Variants in FBXL7 observed in about 807,000 individuals in gnomAD.
FBXL7 encodes F-box/LRR-repeat protein 7.
A neutral mutation model predicts 38.3 loss-of-function variants in FBXL7; 12 were observed. The observed-to-expected ratio is 0.31, with a 90% CI of 0.20 to 0.51. The LOEUF is 0.51. Ranked by LOEUF, FBXL7 falls within the 20% of genes least tolerant of loss-of-function variation. The pLI, the probability that FBXL7 is intolerant of heterozygous loss-of-function variation, is 0.98. For synonymous variants in FBXL7, 297 were observed against 300.9 expected, an observed-to-expected ratio of 0.99 and a Z score of 0.13; for missense variants, 567 against 676.4, an observed-to-expected ratio of 0.84 and a Z score of 1.79.
At chr5:15,914,189 A>T in intron 2 of FBXL7, among the ~76,000 whole-genome samples, 1 of 151,996 alleles carries the variant, frequency 6.6e-6, no homozygotes, top group Admixed American at 6.6e-5. Context: ...GATCGAGACC[A>T]TCCTGGCTAA....
At chr5:15,601,689 C>T (rs1200862807) in intron 1 of FBXL7, among the ~76,000 whole-genome samples, 5 of 152,166 alleles carry the variant, frequency 3.3e-5, no homozygotes, top group Admixed American at 3.3e-4. Flanking sequence ...ATCTTACTTG[C>T]TCATCTTTAT....
intron 2 of FBXL7, among the ~76,000 whole-genome samples, chr5:15,622,379 T>C (rs1485158085): frequency 6.6e-6 from 1 of 152,144 alleles, no homozygotes; most frequent in Non-Finnish European, 1.5e-5. Flanking sequence ...GTTGGTGTGC[T>C]GCACCCATTA....
intron 2 of FBXL7, among the ~76,000 whole-genome samples, chr5:15,637,581 G>A (rs915540265): frequency 3.9e-5 from 6 of 152,204 alleles, no homozygotes. Flanking sequence ...CATGAGGATA[G>A]CAACAGCTAA....
At chr5:15,890,383 G>C (rs1266950761) in intron 2 of FBXL7, among the ~76,000 whole-genome samples, 1 of 152,108 alleles carries the variant, frequency 6.6e-6, no homozygotes, top group African/African-American at 2.4e-5. Flanking sequence ...CAAGTAGCTG[G>C]GATTACAGGC....
intron 1 of FBXL7, among the ~76,000 whole-genome samples, chr5:15,503,601 T>G (rs369749822): frequency 9.2e-5 from 14 of 152,344 alleles, no homozygotes; most frequent in African/African-American, 3.4e-4. Flanking sequence ...TATGCCATTT[T>G]CCTTTTTTTG....
At chr5:15,562,373 A>T (rs189184858) in intron 1 of FBXL7, among the ~76,000 whole-genome samples, 21 of 152,276 alleles carry the variant, frequency 1.4e-4, no homozygotes, top group African/African-American at 5.1e-4. Context: ...CAGATAAAGG[A>T]TTGATATCCA....
intron 2 of FBXL7, among the ~76,000 whole-genome samples, chr5:15,762,911 T>C (rs1328677797): frequency 6.6e-6 from 1 of 152,238 alleles, no homozygotes; most frequent in Non-Finnish European, 1.5e-5. Flanking sequence ...TATGCTGATA[T>C]ACAGTGATGT....
intron 2 of FBXL7, among the ~76,000 whole-genome samples, chr5:15,726,768 C>A (rs1184364248): frequency 6.6e-6 from 1 of 151,856 alleles, no homozygotes; most frequent in Non-Finnish European, 1.5e-5. Context: ...TGGATCTTGT[C>A]TTTTAGTCCA....
At chr5:15,668,368 TTGTG>T (rs148728974) in intron 2 of FBXL7, among the ~76,000 whole-genome samples, 4,191 of 145,724 alleles carry the variant, frequency 0.029, 63 homozygotes, top group Middle Eastern at 0.052. Context: ...ATATTTGTGT[TTGTG>T]TGTGTGTGTG....
intron 2 of FBXL7, among the ~76,000 whole-genome samples, chr5:15,813,267 C>T (rs1737918138): frequency 2.0e-5 from 3 of 152,062 alleles, no homozygotes; most frequent in South Asian, 4.1e-4. Context: ...TCAGAAATAA[C>T]ACCACACATC....
chr5:15,677,821 G>A (rs1168818665), intron 2 of FBXL7, among the ~76,000 whole-genome samples: 1 of 152,116 alleles, frequency 6.6e-6, no homozygotes, highest in African/African-American at 2.4e-5. Flanking sequence ...TGGAGGTAAA[G>A]GATAGTGGTA....
intron 1 of FBXL7, among the ~76,000 whole-genome samples, chr5:15,516,812 T>G (rs1394573493): frequency 2.0e-5 from 3 of 152,032 alleles, no homozygotes; most frequent in African/African-American, 4.8e-5. Flanking sequence ...GGTCGGCATT[T>G]CTCCTTGCTG....
intron 2 of FBXL7, among the ~76,000 whole-genome samples, chr5:15,806,671 T>A (rs1737720149): frequency 6.6e-6 from 1 of 152,150 alleles, no homozygotes; most frequent in Admixed American, 6.6e-5. Context: ...GTCATCCTGT[T>A]CTTTATGAAG....
rs571354284 is a variant in FBXL7 at position 15,706,600 on chromosome 5, C to T, written c.127+90528C>T. 3.9e-5 allele frequency among the ~76,000 whole-genome samples: 6 copies of T among 151,984 alleles called. No individual in the cohort carries two copies. In the East Asian group the frequency reaches 7.7e-4, roughly 20 times the overall value. ...TTTTAATAGTTCATCAAAGGAATGA[C>T]GGAGAACTTAACTAAGGTAGTAGCA... On this transcript the variant is annotated intron_variant, in intron 2 of 3. Transcript: ENST00000504595.
chr5:15,820,331 C>A (rs898167047), intron 2 of FBXL7, among the ~76,000 whole-genome samples: 1 of 151,950 alleles, frequency 6.6e-6, no homozygotes, highest in Non-Finnish European at 1.5e-5. Flanking sequence ...CCCCTTTTTC[C>A]CTGGAGGGTC....
chr5:15,935,604 G>A (rs147494016), intron 3 of FBXL7, among the ~76,000 whole-genome samples: 3 of 152,130 alleles, frequency 2.0e-5, no homozygotes, highest in Non-Finnish European at 1.5e-5. Flanking sequence ...GTGGGGAATC[G>A]ACTGTAGGAG....
At chr5:15,841,264 G>C (rs375527617) in intron 2 of FBXL7, among the ~76,000 whole-genome samples, 83 of 151,884 alleles carry the variant, frequency 5.5e-4, no homozygotes, top group African/African-American at 1.9e-3. Flanking sequence ...ATCATTTTTT[G>C]TTTCTGGTTC....
chr5:15,791,390 C>T (rs1330924929), intron 2 of FBXL7, among the ~76,000 whole-genome samples: 5 of 152,126 alleles, frequency 3.3e-5, no homozygotes, highest in Non-Finnish European at 7.4e-5. Context: ...CAAATAAAAA[C>T]TGTTTCATGT....
intron 2 of FBXL7, among the ~76,000 whole-genome samples, chr5:15,914,368 A>G (rs982166756): frequency 1.4e-5 from 2 of 146,992 alleles, no homozygotes; most frequent in African/African-American, 5.1e-5. Flanking sequence ...CCTGGGCGAC[A>G]GAGCAAGACT....
Sources: gnomAD v4.1 joint callset for allele counts (sites outside exome capture counted in the v4.1 genomes callset) on GRCh38, gnomAD v4.1.1 for gene constraint, MANE v1.5 for transcripts, NCBI Gene and HGNC (gene_info 2026-07-23, HGNC 2026-07-21) for gene names.